YTHDC2: variants seen among roughly 807,000 people sequenced by gnomAD.
YTHDC2 encodes the protein 3'-5' RNA helicase YTHDC2.
YTHDC2 carries 45 observed loss-of-function variants against 174.9 expected under a neutral mutation model. The ratio of observed to expected loss-of-function variants is 0.26; its 90% confidence interval spans 0.20 to 0.33. The LOEUF (loss-of-function observed/expected upper bound fraction) is 0.33. Among genes scored for constraint, YTHDC2 ranks in the 10% least tolerant of loss-of-function variants. The probability of loss-of-function intolerance (pLI) is 1.00; values close to 1 mark genes in which losing one functional copy is unlikely to be tolerated. For synonymous variants in YTHDC2, 657 were observed against 574.5 expected (o/e 1.14, Z -2.05); for missense variants, 1,650 against 1,723.7 (o/e 0.96, Z 0.76).
intron 17 of YTHDC2, among the ~76,000 whole-genome samples, chr5:113,559,079 T>C (rs1362020195): frequency 2.6e-5 from 4 of 152,064 alleles, no homozygotes; most frequent in African/African-American, 9.7e-5. Context: ...GAAGAGCAGA[T>C]GGCTAAGGGT....
chr5:113,515,272 A>T lies in YTHDC2; in HGVS notation c.188A>T (p.Glu63Val). Reference protein sequence around the residue: ...LERFRYGDQREMEFPSSLTST... With the variant: ...LERFRYGDQRVMEFPSSLTST... ...ACTACTTTGTTTTTTTTCCGTGTAGAAATGGAATTTCCTTCTTCTTTGACC... is the reference window on the plus strand; with the variant it reads ...ACTACTTTGTTTTTTTTCCGTGTAGTAATGGAATTTCCTTCTTCTTTGACC... Residue 63 changes from glutamate (E) to valine (V), a missense_variant and splice_region_variant, in exon 2 of 30, where the codon GAA becomes GTA. Glu to Val is a moderately radical substitution (Grantham distance 121). Around this residue, in one of 5 missense-constraint regions of YTHDC2, gnomAD observed 304 missense variants for 341.4 expected, o/e 0.89. Transcript: ENST00000161863. 1.2e-6 allele frequency: 2 copies of T among 1,602,054 alleles called. No homozygotes were observed. Among genetic ancestry groups the T allele is most frequent in the South Asian group, 2.3e-5 (2 of 87,720 alleles).
chr5:113,550,006 A>C (rs1433532825), intron 12 of YTHDC2, among the ~76,000 whole-genome samples: 1 of 152,162 alleles, frequency 6.6e-6, no homozygotes, highest in Non-Finnish European at 1.5e-5. Context: ...GAGCAGGAAA[A>C]TTGTAGAAAA....
At chr5:113,560,129 T>G (rs973758148) in intron 17 of YTHDC2, among the ~76,000 whole-genome samples, 5 of 152,146 alleles carry the variant, frequency 3.3e-5, no homozygotes, top group African/African-American at 1.2e-4. Flanking sequence ...TGAAAGTTTT[T>G]GTGGGAAATC....
rs780032154 is a variant in YTHDC2, at chr5:113,563,455, C to G, written c.2405C>G (p.Pro802Arg). The change falls in exon 19 of 30, where the codon CCA becomes CGA. Residue 802 changes from proline (P) to arginine (R), a missense_variant. Pro to Arg is a moderately radical substitution (Grantham distance 103). Coordinates refer to ENST00000161863, the MANE Select transcript of YTHDC2 (RefSeq NM_022828.5). ...DFLMKAPEPP[P>R]ALIVRNAVQM... ...CTTATGAAAGCTCCTGAACCTCCAC[C>G]AGCTTTAATTGTAAGAAATGCTGTA... 1.2e-6 allele frequency: 2 copies of G among 1,610,536 alleles called. No homozygotes were observed. Among genetic ancestry groups the G allele is most frequent in the Non-Finnish European group, 1.7e-6 (2 of 1,177,992 alleles).
chr5:113,585,036 C>T (rs1356900843), intron 26 of YTHDC2, among the ~76,000 whole-genome samples: 2 of 151,670 alleles, frequency 1.3e-5, no homozygotes, highest in African/African-American at 2.4e-5. Flanking sequence ...CCATCTCAGC[C>T]TCCGAGTGGC....
intron 26 of YTHDC2, among the ~76,000 whole-genome samples, chr5:113,589,409 AT>A (rs35047624): frequency 0.2 from 17,775 of 88,594 alleles, 1,200 homozygotes; most frequent in Non-Finnish European, 0.25. Context: ...AAAAAAAAAA[AT>A]ATATATATAT....
rs183808715 is a variant in YTHDC2 at position 113,544,429 on chromosome 5, A to G, written c.1495+1926A>G. On this transcript the variant is annotated intron_variant, in intron 10 of 29. Coordinates refer to ENST00000161863, the MANE Select transcript of YTHDC2 (RefSeq NM_022828.5). ...CTCCCAAAGTGCTAGAATTACAGGC[A>G]TGAGTCACCACACCCAGCCCAAATA... Among the ~76,000 whole-genome samples, 487 of 152,282 alleles carry G rather than the reference A, an allele frequency of 3.2e-3. 4 individuals are homozygous for G. Among genetic ancestry groups the G allele is most frequent in the African/African-American group, 0.011 (458 of 41,560 alleles).
intron 7 of YTHDC2, among the ~76,000 whole-genome samples, 187 bp downstream of exon 7, chr5:113,535,985 A>G (rs1232694428): frequency 6.6e-6 from 1 of 152,146 alleles, no homozygotes; most frequent in Non-Finnish European, 1.5e-5. Flanking sequence ...GCTCTTTGGT[A>G]TTGTGTAGTG....
Position 113,561,141 on chromosome 5 carries a change from A to G in YTHDC2, c.2278A>G (p.Met760Val), listed in dbSNP as rs759555925. Residue 760 changes from methionine (M) to valine (V), a missense_variant, in exon 18 of 30, where the codon ATG becomes GTG. Around this residue, in one of 5 missense-constraint regions of YTHDC2, gnomAD observed 913 missense variants for 940.4 expected, o/e 0.97. Coordinates refer to ENST00000161863, the MANE Select transcript of YTHDC2 (RefSeq NM_022828.5). ...RLFSRLRFQN[M>V]LEFQTPELLR... ...GTTCAGTAGACTCCGATTCCAGAAT[A>G]TGTTGGAATTTCAGACTCCGGAACT... 8.7e-6 allele frequency: 14 copies of G among 1,613,276 alleles called. No homozygotes were observed. The highest frequency in any genetic ancestry group is 1.2e-5 in the Non-Finnish European group (14 of 1,179,516).
chr5:113,530,511 T>G (rs1774582013), intron 4 of YTHDC2, among the ~76,000 whole-genome samples: 1 of 152,264 alleles, frequency 6.6e-6, no homozygotes, highest in African/African-American at 2.4e-5. Context: ...CTATACCACC[T>G]TACAGGTAGT....
intron 24 of YTHDC2, among the ~76,000 whole-genome samples, chr5:113,580,308 A>G (rs1778318628): frequency 6.6e-6 from 1 of 152,168 alleles, no homozygotes; most frequent in Non-Finnish European, 1.5e-5. Flanking sequence ...TATATAAGAA[A>G]GTATTGAGTA....
intron 5 of YTHDC2, 65 bp downstream of exon 5, chr5:113,533,110 A>G: frequency 1.3e-6 from 2 of 1,544,154 alleles, no homozygotes; most frequent in Admixed American, 3.8e-5. Flanking sequence ...ATATTTCACT[A>G]AAAATAGAGG....
At chr5:113,524,293 G>C (rs138610761) in intron 2 of YTHDC2, among the ~76,000 whole-genome samples, 1 of 152,216 alleles carries the variant, frequency 6.6e-6, no homozygotes, top group African/African-American at 2.4e-5. Context: ...ACTACTCTTA[G>C]AGCCGCAGAA....
intron 4 of YTHDC2, among the ~76,000 whole-genome samples, chr5:113,530,115 T>C (rs1774553559): frequency 6.6e-6 from 1 of 152,218 alleles, no homozygotes; most frequent in Admixed American, 6.5e-5. Context: ...CCTATAAATA[T>C]TTTATTCTAA....
chr5:113,567,559 T>C, intron 22 of YTHDC2, 95 bp from the exon 23 acceptor site: 3 of 1,105,066 alleles, frequency 2.7e-6, no homozygotes, highest in Non-Finnish European at 3.8e-6. Context: ...ATATACATCA[T>C]CTATTTCATT....
At chr5:113,522,134 G>GTTTTTTTTTTTTTTTT (rs371407386) in intron 2 of YTHDC2, among the ~76,000 whole-genome samples, 1 of 106,344 alleles carries the variant, frequency 9.4e-6, no homozygotes, top group Non-Finnish European at 2.2e-5. Flanking sequence ...TGTTTTTTTT[G>GTTTTTTTTTTTTTTTT]TTTTTTGTTT....
chr5:113,523,824 T>A (rs558779203), intron 2 of YTHDC2, among the ~76,000 whole-genome samples: 2 of 152,118 alleles, frequency 1.3e-5, no homozygotes, highest in South Asian at 2.1e-4. Context: ...TAATGAAAAT[T>A]AGAAAAATTA....
intron 23 of YTHDC2, among the ~76,000 whole-genome samples, chr5:113,569,945 TATTG>T (rs1267818051): frequency 6.6e-6 from 1 of 152,214 alleles, no homozygotes; most frequent in Non-Finnish European, 1.5e-5. Context: ...ATTTTCATGA[TATTG>T]ATTGTTCCTA....
chr5:113,571,272 AATTATGTTT>A (rs1777698112), intron 23 of YTHDC2, among the ~76,000 whole-genome samples: 1 of 152,058 alleles, frequency 6.6e-6, no homozygotes, highest in African/African-American at 2.4e-5. Context: ...TTATGTGATG[AATTATGTTT>A]ATTGATTTGC....
Sources: allele counts gnomAD v4.1 joint callset (sites outside exome capture counted in the v4.1 genomes callset), GRCh38; gene constraint gnomAD v4.1.1; regional missense constraint gnomAD v4.1.1; transcripts MANE v1.5; gene names NCBI Gene and HGNC (gene_info 2026-07-23, HGNC 2026-07-21).